The following HECW1 variants were observed in gnomAD, a reference collection of about 807,000 sequenced individuals.
HECW1 encodes the protein HECT, C2 and WW domain containing E3 ubiquitin protein ligase 1, also known as E3 ubiquitin-protein ligase HECW1.
HECW1 carries 61 observed loss-of-function variants against 182.3 expected under a neutral mutation model. The ratio of observed to expected loss-of-function variants is 0.33; its 90% CI spans 0.27 to 0.41. HECW1 has a LOEUF of 0.41. Ranked by LOEUF, HECW1 falls within the 10% of genes least tolerant of loss-of-function variation. The probability of loss-of-function intolerance (pLI) is 1.00; values close to 1 mark genes in which losing one functional copy is unlikely to be tolerated. For synonymous variants in HECW1, 859 were observed against 832.6 expected (o/e 1.03, Z -0.55); for missense variants, 1,739 against 2,108.9 (o/e 0.82, Z 3.44).
At chr7:43,126,288 C>T (rs1256686501) in intron 2 of HECW1, among the ~76,000 whole-genome samples, 4 of 152,064 alleles carry the variant, frequency 2.6e-5, no homozygotes, top group Non-Finnish European at 2.9e-5. Flanking sequence ...CCTCTCTTTA[C>T]TTGATTTTTG....
chr7:43,488,486 A>AAGAG (rs374544480), intron 17 of HECW1, among the ~76,000 whole-genome samples: 1 of 120,444 alleles, frequency 8.3e-6, no homozygotes, highest in Non-Finnish European at 1.8e-5. Context: ...GAAAGAAAGA[A>AAGAG]AGAGAAAGAA....
At position 43,562,720 on chromosome 7, in the gene HECW1, G is replaced by A. The variant is rs1032184130; in HGVS notation, c.*794G>A. The A allele has an allele frequency of 9.0e-6, 2 of 221,260 alleles. No homozygotes were observed. The highest frequency in any genetic ancestry group is 1.8e-5 in the Non-Finnish European group (2 of 110,318). 13.7% of individuals were successfully genotyped at this position (221,260 alleles called of 1,614,324 possible). Reference sequence around the variant, plus strand: ...ACAAGAAGGACAAACTTGTGCACATGTCCAAGAAAGAAAGCTTCTTGATTG... The same window carrying A: ...ACAAGAAGGACAAACTTGTGCACATATCCAAGAAAGAAAGCTTCTTGATTG... On this transcript the variant is annotated 3_prime_UTR_variant, in exon 30 of 30. Transcript: ENST00000395891.
chr7:43,526,939 G>A (rs938855349), intron 24 of HECW1, among the ~76,000 whole-genome samples: 1 of 152,168 alleles, frequency 6.6e-6, no homozygotes, highest in Non-Finnish European at 1.5e-5. Flanking sequence ...AAGCTGCAGT[G>A]AGCCGAGATC....
intron 3 of HECW1, among the ~76,000 whole-genome samples, chr7:43,304,062 C>T (rs1013755371): frequency 6.6e-6 from 1 of 152,174 alleles, no homozygotes; most frequent in Admixed American, 6.5e-5. Flanking sequence ...ACAGTCGTGA[C>T]TCAGAGGAAA....
chr7:43,215,379 TGCTG>T (rs1796354863), intron 2 of HECW1, among the ~76,000 whole-genome samples: 2 of 152,264 alleles, frequency 1.3e-5, no homozygotes, highest in Admixed American at 6.5e-5. Context: ...ACCCAGCCAG[TGCTG>T]GCTAGACGGC....
chr7:43,265,340 T>C (rs1483318868), intron 3 of HECW1, among the ~76,000 whole-genome samples: 3 of 152,212 alleles, frequency 2.0e-5, no homozygotes, highest in African/African-American at 4.8e-5. Flanking sequence ...ATTGGTCCCA[T>C]GGCCCTCCTA....
At chr7:43,411,956 G>A (rs1171419926) in intron 8 of HECW1, among the ~76,000 whole-genome samples, 2 of 152,084 alleles carry the variant, frequency 1.3e-5, no homozygotes, top group African/African-American at 4.8e-5. Flanking sequence ...ATTTATTCAT[G>A]TAATTGTATT....
At chr7:43,302,304 T>A (rs1023252485) in intron 3 of HECW1, among the ~76,000 whole-genome samples, 1 of 152,166 alleles carries the variant, frequency 6.6e-6, no homozygotes, top group Non-Finnish European at 1.5e-5. Context: ...AAGGTCCACT[T>A]GGGGCCCTGC....
chr7:43,212,552 A>C (rs769488491), intron 2 of HECW1, among the ~76,000 whole-genome samples: 10 of 152,190 alleles, frequency 6.6e-5, no homozygotes, highest in Non-Finnish European at 1.2e-4. Flanking sequence ...CAATTACAGA[A>C]GGGAGGCCAA....
intron 13 of HECW1, among the ~76,000 whole-genome samples, chr7:43,457,562 C>G (rs542724694): frequency 6.6e-6 from 1 of 152,196 alleles, no homozygotes; most frequent in East Asian, 1.9e-4. Context: ...CATTTGAAGT[C>G]AGGAGTTCGA....
chr7:43,346,159 G>T (rs916930585), intron 5 of HECW1, among the ~76,000 whole-genome samples: 1 of 151,946 alleles, frequency 6.6e-6, no homozygotes, highest in Non-Finnish European at 1.5e-5. Context: ...AACATCTACT[G>T]TTTTTTTATT....
intron 2 of HECW1, chr7:43,241,352 T>G (rs1798857224): frequency 6.6e-6 from 1 of 152,120 alleles, no homozygotes; most frequent in Non-Finnish European, 1.5e-5. Context: ...TTTGGTGGGG[T>G]GGGGTAAGCT....
At chr7:43,405,582 A>T (rs1242664254) in intron 7 of HECW1, among the ~76,000 whole-genome samples, 1 of 152,008 alleles carries the variant, frequency 6.6e-6, no homozygotes, top group Non-Finnish European at 1.5e-5. Context: ...TTTCTACTAG[A>T]TGGCTGGTTG....
rs539309764 is a variant in HECW1 at position 43,156,545 on chromosome 7, T to C, written c.-32+42154T>C. 6.6e-5 allele frequency among the ~76,000 whole-genome samples: 10 copies of C among 152,368 alleles called. No individual in the cohort carries two copies. In the South Asian group the frequency reaches 2.1e-3, roughly 32 times the overall value. On this transcript the variant is annotated intron_variant, in intron 2 of 29. Transcript: ENST00000395891. ...TCAAAATGATGTGTATCTATTTCTA[T>C]GTTTGGCTTGATTCGTGTCAGAAAA...
chr7:43,226,615 G>T (rs566757523), intron 2 of HECW1, among the ~76,000 whole-genome samples: 1 of 152,162 alleles, frequency 6.6e-6, no homozygotes, highest in Non-Finnish European at 1.5e-5. Flanking sequence ...GGTCTGTGTC[G>T]TTCCAGATCC....
Position 43,480,017 on chromosome 7 carries a change from G to T in HECW1, c.3234+273G>T, listed in dbSNP as rs10225160. Among the ~76,000 whole-genome samples the T allele has an allele frequency of 2.5e-3, 383 of 152,226 alleles. 4 individuals are homozygous for T. In the East Asian group the frequency reaches 0.029, roughly 12 times the overall value. On this transcript the variant is annotated intron_variant, in intron 17 of 29. Coordinates refer to ENST00000395891, the MANE Select transcript of HECW1 (RefSeq NM_015052.5). ...GTTGAAAGGAAACTGAAAATGCACT[G>T]TCAGGAGATCCCTACACTTATGGCT...
chr7:43,312,797 TA>T (rs1437535113), intron 4 of HECW1, among the ~76,000 whole-genome samples: 1 of 152,262 alleles, frequency 6.6e-6, no homozygotes, highest in Non-Finnish European at 1.5e-5. Context: ...AAAACCAATT[TA>T]AATGAAAAAT....
intron 3 of HECW1, among the ~76,000 whole-genome samples, chr7:43,264,705 G>A (rs1267908394): frequency 6.6e-6 from 1 of 152,016 alleles, no homozygotes; most frequent in Non-Finnish European, 1.5e-5. Flanking sequence ...TTAGCCAGGT[G>A]TGGTGGCGGG....
At chr7:43,424,212 GA>G (rs1028549947) in intron 8 of HECW1, among the ~76,000 whole-genome samples, 5 of 152,188 alleles carry the variant, frequency 3.3e-5, no homozygotes, top group Non-Finnish European at 5.9e-5. Flanking sequence ...CTTGCTGGAA[GA>G]AAATTACTAT....
Sources: allele counts gnomAD v4.1 joint callset (sites outside exome capture counted in the v4.1 genomes callset), GRCh38; gene constraint gnomAD v4.1.1; transcripts MANE v1.5; gene names NCBI Gene and HGNC (gene_info 2026-07-23, HGNC 2026-07-21).